CACNA2D1: variants seen among roughly 807,000 people sequenced by gnomAD.
CACNA2D1 encodes the protein calcium voltage-gated channel auxiliary subunit alpha2delta 1, also known as voltage-dependent calcium channel subunit alpha-2/delta-1.
In CACNA2D1, 53 loss-of-function variants were observed where a neutral mutation model predicts 171.5. The observed-to-expected ratio is 0.31, with a 90% CI of 0.25 to 0.39. CACNA2D1 has a LOEUF of 0.39. CACNA2D1 is among the 10% of genes least tolerant of loss of function. The probability of loss-of-function intolerance (pLI) is 1.00; values close to 1 mark genes in which losing one functional copy is unlikely to be tolerated. For synonymous variants in CACNA2D1, 442 were observed against 443.1 expected (o/e 1.00, Z 0.03); for missense variants, 903 against 1,299.8 (o/e 0.69, Z 4.69).
chr7:82,126,327 C>T (rs1368928988), intron 5 of CACNA2D1, among the ~76,000 whole-genome samples: 1 of 152,084 alleles, frequency 6.6e-6, no homozygotes, highest in African/African-American at 2.4e-5. Context: ...AATAGAGTTT[C>T]ATGTAGAAGT....
intron 24 of CACNA2D1, among the ~76,000 whole-genome samples, chr7:81,980,183 A>G (rs1479685142): frequency 1.4e-5 from 2 of 140,906 alleles, no homozygotes; most frequent in African/African-American, 2.6e-5. Flanking sequence ...AAAAAAAAAA[A>G]AAAAAAAAAA....
chr7:82,109,678 G>A (rs975679280), intron 6 of CACNA2D1, among the ~76,000 whole-genome samples: 3 of 152,156 alleles, frequency 2.0e-5, no homozygotes, highest in Admixed American at 2.0e-4. Flanking sequence ...GGAGGAACAT[G>A]GTAATATTTT....
At chr7:81,968,103 G>A (rs1165032600) in intron 29 of CACNA2D1, among the ~76,000 whole-genome samples, 2 of 151,332 alleles carry the variant, frequency 1.3e-5, no homozygotes, top group Non-Finnish European at 3.0e-5. Context: ...AACTGATTTA[G>A]TAAGTAATTG....
rs7783551 is a variant in CACNA2D1, at chr7:82,175,926, G to A, written c.295-5317C>T. ...ACCTCTTCAACACGTACATATGAGC[G>A]AAATAAATGAAAAAAAATCTTAGTA... On this transcript the variant is annotated intron_variant, in intron 3 of 38. Transcript: ENST00000356860. Among the ~76,000 whole-genome samples, 427 of 141,066 alleles carry A rather than the reference G, an allele frequency of 3.0e-3. 3 individuals are homozygous for A. Among genetic ancestry groups the A allele is most frequent in the African/African-American group, 0.012 (402 of 32,710 alleles). 92.5% of individuals were successfully genotyped at this position (141,066 alleles called of 152,430 possible). A position where few individuals can be genotyped will look rare whatever the true frequency, so the allele number is the denominator to read the frequency against.
chr7:82,289,269 T>C (rs1274540667), intron 3 of CACNA2D1, among the ~76,000 whole-genome samples: 1 of 152,192 alleles, frequency 6.6e-6, no homozygotes, highest in East Asian at 1.9e-4. Context: ...ATATACATAA[T>C]TTAGTACAAA....
chr7:82,437,106 T>C (rs1055231430), intron 1 of CACNA2D1, among the ~76,000 whole-genome samples: 5 of 152,110 alleles, frequency 3.3e-5, no homozygotes, highest in African/African-American at 9.7e-5. Context: ...GAGCACAGAT[T>C]GAAGTGAAAA....
intron 1 of CACNA2D1, among the ~76,000 whole-genome samples, chr7:82,359,460 G>C (rs1820838704): frequency 6.6e-6 from 1 of 152,024 alleles, no homozygotes; most frequent in Non-Finnish European, 1.5e-5. Flanking sequence ...CCTAAATGGT[G>C]AATCTACTTC....
At chr7:82,282,854 A>C (rs1348982026) in intron 3 of CACNA2D1, among the ~76,000 whole-genome samples, 1 of 152,140 alleles carries the variant, frequency 6.6e-6, no homozygotes, top group Non-Finnish European at 1.5e-5. Flanking sequence ...GGGTGTGGGA[A>C]GGGGCACCTC....
intron 3 of CACNA2D1, among the ~76,000 whole-genome samples, chr7:82,227,828 GT>G (rs1802517772): frequency 6.6e-6 from 1 of 152,042 alleles, no homozygotes; most frequent in Admixed American, 6.6e-5. Flanking sequence ...TATTTCTACA[GT>G]GACTATTCAT....
intron 3 of CACNA2D1, among the ~76,000 whole-genome samples, chr7:82,176,848 A>G (rs1796586256): frequency 6.6e-6 from 1 of 151,998 alleles, no homozygotes; most frequent in South Asian, 2.1e-4. Flanking sequence ...CATATACATC[A>G]TATACACTCA....
chr7:82,130,265 A>G (rs1790793612), intron 5 of CACNA2D1, among the ~76,000 whole-genome samples: 1 of 152,154 alleles, frequency 6.6e-6, no homozygotes, highest in Admixed American at 6.5e-5. Context: ...ATAATAATTC[A>G]CAAAGATTGG....
intron 10 of CACNA2D1, chr7:82,050,721 A>G (rs1805101013): frequency 4.4e-6 from 3 of 681,378 alleles, no homozygotes; most frequent in Non-Finnish European, 8.0e-6. Context: ...CAGTTGGTGG[A>G]AAAATGTTGG....
At chr7:82,039,548 C>T (rs73151509) in intron 10 of CACNA2D1, among the ~76,000 whole-genome samples, 7,045 of 152,002 alleles carry the variant, frequency 0.046, 259 homozygotes, top group Non-Finnish European at 0.066. Flanking sequence ...ATTTTATCTA[C>T]GAAAAAAACT....
At chr7:82,133,924 T>G (rs949365434) in intron 5 of CACNA2D1, among the ~76,000 whole-genome samples, 5 of 151,780 alleles carry the variant, frequency 3.3e-5, no homozygotes, top group African/African-American at 4.8e-5. Flanking sequence ...ATACAAAAAA[T>G]TAGCTGGGCA....
intron 3 of CACNA2D1, among the ~76,000 whole-genome samples, chr7:82,232,512 A>G (rs1803052840): frequency 6.6e-6 from 1 of 152,182 alleles, no homozygotes. Flanking sequence ...GTATCATCTA[A>G]TTTAATGCTG....
At chr7:82,135,417 AAT>A (rs1297586611) in intron 5 of CACNA2D1, among the ~76,000 whole-genome samples, 1 of 152,106 alleles carries the variant, frequency 6.6e-6, no homozygotes, top group Non-Finnish European at 1.5e-5. Flanking sequence ...TCATTAAAAT[AAT>A]ATATACAATC....
chr7:82,062,729 CTTTTTTTTTTTTT>C (rs71520797), intron 9 of CACNA2D1, among the ~76,000 whole-genome samples: 6 of 52,170 alleles, frequency 1.2e-4, no homozygotes, highest in African/African-American at 5.9e-4. Context: ...GGTATATCTC[CTTTTTTTTTTTTT>C]TTTTTTTTTT....
chr7:82,425,197 T>G (rs923641347), intron 1 of CACNA2D1, among the ~76,000 whole-genome samples: 4 of 152,178 alleles, frequency 2.6e-5, no homozygotes, highest in Non-Finnish European at 5.9e-5. Flanking sequence ...CAAAGGGGTA[T>G]TGAGCCCCCT....
At chr7:82,385,065 T>C (rs1824176710) in intron 1 of CACNA2D1, among the ~76,000 whole-genome samples, 7 of 152,324 alleles carry the variant, frequency 4.6e-5, no homozygotes, top group Admixed American at 4.6e-4. Flanking sequence ...TGTCCCAACA[T>C]CTTTTATGAA....
Sources: allele counts gnomAD v4.1 joint callset (sites outside exome capture counted in the v4.1 genomes callset), GRCh38; gene constraint gnomAD v4.1.1; transcripts MANE v1.5; gene names NCBI Gene and HGNC (gene_info 2026-07-23, HGNC 2026-07-21).